Variants in TJP1 observed in about 807,000 individuals in gnomAD.
TJP1 encodes tight junction protein 1, also known as tight junction protein ZO-1.
Under a neutral mutation model 194.2 loss-of-function variants are expected in TJP1, and 43 were observed. The ratio of observed to expected loss-of-function variants is 0.22; its 90% CI spans 0.17 to 0.29. TJP1 has a LOEUF of 0.29. Ranked by LOEUF, TJP1 falls within the 10% of genes least tolerant of loss-of-function variation. TJP1 has a pLI of 1.00. For synonymous variants in TJP1, 801 were observed against 779.0 expected, an observed-to-expected ratio of 1.03 and a Z score of -0.47; for missense variants, 1,971 against 2,185.7, an observed-to-expected ratio of 0.90 and a Z score of 1.96.
chr15:29,908,094 A>G (rs1381625545), intron 2 of TJP1, among the ~76,000 whole-genome samples: 2 of 146,068 alleles, frequency 1.4e-5, no homozygotes, highest in Non-Finnish European at 3.0e-5. Context: ...AAGAAGAAGA[A>G]GAAGGAAAGA....
intron 2 of TJP1, among the ~76,000 whole-genome samples, chr15:29,923,771 C>T (rs2054440866): frequency 1.3e-5 from 2 of 152,274 alleles, no homozygotes; most frequent in African/African-American, 4.8e-5. Flanking sequence ...ATACAAGCCA[C>T]TGAATTGTAC....
intron 2 of TJP1, among the ~76,000 whole-genome samples, chr15:29,890,465 T>C (rs1332982350): frequency 2.6e-5 from 4 of 152,126 alleles, no homozygotes; most frequent in African/African-American, 9.7e-5. Context: ...AGCAATTACA[T>C]ATGTTTCTGT....
chr15:29,861,417 G>A (rs1398773896), intron 2 of TJP1, among the ~76,000 whole-genome samples: 10 of 152,186 alleles, frequency 6.6e-5, no homozygotes, highest in Admixed American at 6.5e-4. Context: ...GAGGGAGGTT[G>A]CAATTTTTTG....
intron 1 of TJP1, among the ~76,000 whole-genome samples, chr15:29,967,881 C>CT (rs762774734): frequency 1.3e-5 from 2 of 152,206 alleles, no homozygotes; most frequent in South Asian, 2.1e-4. Flanking sequence ...TAACTGGCAT[C>CT]TTTTTTCTGT....
In TJP1 at chr15:29,901,897, T is replaced by C. The variant is rs533034226; in HGVS notation, c.306+54335A>G. 1.5e-4 allele frequency among the ~76,000 whole-genome samples: 23 copies of C among 152,270 alleles called. 1 individual carries two copies. The South Asian group carries it at 3.7e-3, about 25-fold the overall frequency. On this transcript the variant is annotated intron_variant, in intron 2 of 28. Transcript: ENST00000356107. ...ATGTCTGCATCATCATCAATTATGA[T>C]TCAGGTATTTTCATACTGTTCTCAT...
chr15:29,824,238 G>A (rs1384590670), upstream of TJP1, among the ~76,000 whole-genome samples: 1 of 151,660 alleles, frequency 6.6e-6, no homozygotes, highest in Non-Finnish European at 1.5e-5. Flanking sequence ...GAGGTCAGGA[G>A]TTCGAAACCA....
chr15:29,754,222 G>C (rs2045494508), intron 8 of TJP1, among the ~76,000 whole-genome samples: 1 of 152,174 alleles, frequency 6.6e-6, no homozygotes, highest in Non-Finnish European at 1.5e-5. Context: ...TCTTTTGCCA[G>C]AACATGAGTG....
chr15:29,713,509 T>A (rs1555387611), intron 23 of TJP1, among the ~76,000 whole-genome samples: 1 of 152,252 alleles, frequency 6.6e-6, no homozygotes, highest in Non-Finnish European at 1.5e-5. Context: ...AAGTGAAGCA[T>A]AAGCACACAT....
intron 2 of TJP1, among the ~76,000 whole-genome samples, chr15:29,881,676 A>G (rs2052935487): frequency 6.6e-6 from 1 of 152,152 alleles, no homozygotes; most frequent in Admixed American, 6.5e-5. Flanking sequence ...TCCAATTTGA[A>G]CCACACATTG....
At chr15:29,740,245 G>C (rs4780258) in intron 10 of TJP1, among the ~76,000 whole-genome samples, 111,537 of 151,628 alleles carry the variant, frequency 0.74, 42,490 homozygotes, top group East Asian at 0.85. Context: ...AAAGTGCTAG[G>C]TTTACAGGCA....
intron 1 of TJP1, chr15:29,968,577 G>A (rs2056413334): frequency 4.7e-6 from 4 of 851,532 alleles, no homozygotes; most frequent in South Asian, 1.0e-4. Context: ...CCGCCCGACC[G>A]CCCCGGCCGC....
At chr15:29,714,238 A>G (rs1173653159) in intron 23 of TJP1, among the ~76,000 whole-genome samples, 1 of 152,106 alleles carries the variant, frequency 6.6e-6, no homozygotes, top group African/African-American at 2.4e-5. Flanking sequence ...TTAGACCTAA[A>G]TATACTCCTT....
At chr15:29,716,345 T>G (rs149522253) in intron 23 of TJP1, among the ~76,000 whole-genome samples, 3 of 152,312 alleles carry the variant, frequency 2.0e-5, no homozygotes, top group Admixed American at 1.3e-4. Flanking sequence ...TGATTACCTA[T>G]CGATGAGGGT....
intron 1 of TJP1, among the ~76,000 whole-genome samples, chr15:29,967,391 G>A (rs2056371116): frequency 6.6e-6 from 1 of 151,628 alleles, no homozygotes; most frequent in African/African-American, 2.4e-5. Context: ...CCAAACTGGT[G>A]GGGGCAGAAA....
intron 8 of TJP1, 185 bp from the exon 9 acceptor site, chr15:29,742,966 T>C (rs998057662): frequency 1.4e-5 from 6 of 432,566 alleles, no homozygotes; most frequent in Non-Finnish European, 2.3e-5. Flanking sequence ...ACCAAATAGA[T>C]TCATGTAATA....
intron 2 of TJP1, among the ~76,000 whole-genome samples, chr15:29,875,519 A>G (rs1481154387): frequency 6.6e-6 from 1 of 152,150 alleles, no homozygotes; most frequent in Non-Finnish European, 1.5e-5. Context: ...TCAAATCCAT[A>G]AATTCTCCCC....
chr15:29,948,138 G>A (rs1596306587), intron 2 of TJP1, among the ~76,000 whole-genome samples: 2 of 151,810 alleles, frequency 1.3e-5, no homozygotes, highest in Admixed American at 6.6e-5. Flanking sequence ...GGTGGTGCCC[G>A]CCTGTAGTCC....
chr15:29,966,376 C>T (rs907940011), intron 1 of TJP1, among the ~76,000 whole-genome samples: 1 of 151,946 alleles, frequency 6.6e-6, no homozygotes, highest in African/African-American at 2.4e-5. Context: ...TGGTGGTAGG[C>T]GCCTGTAATC....
At position 29,716,690 on chromosome 15, in the gene TJP1, T is replaced by A; in HGVS notation, c.4123A>T (p.Ile1375Phe). ...GGCTCGGAGAGATGGCTGGCGGCAA[T>A]GTGTGCAGGAGGCTTATTCTCAAAA... ...RSFENKPPAH[I>F]AASHLSEPAK... The change falls in exon 23 of 28, where the codon ATT (isoleucine) becomes TTT (phenylalanine). Residue 1375 changes from isoleucine (I) to phenylalanine (F), a missense_variant. By Grantham distance (21) the Ile-to-Phe change is conservative (BLOSUM62 0). Transcript: ENST00000614355. The A allele has an allele frequency of 1.9e-6, 3 of 1,614,086 alleles. No individual in the cohort carries two copies. The South Asian group carries it at 3.3e-5, about 18-fold the overall frequency.
Sources: gnomAD v4.1 joint callset for allele counts (sites outside exome capture counted in the v4.1 genomes callset) on GRCh38, gnomAD v4.1.1 for gene constraint, MANE v1.5 for transcripts, NCBI Gene and HGNC (gene_info 2026-07-23, HGNC 2026-07-21) for gene names.